TANC1: variants seen among roughly 807,000 people sequenced by gnomAD.
TANC1 encodes tetratricopeptide repeat, ankyrin repeat and coiled-coil containing 1.
TANC1 carries 77 observed loss-of-function variants against 149.7 expected under a neutral mutation model. That is an observed-to-expected ratio of 0.51 (90% CI 0.43 to 0.62). The LOEUF (loss-of-function observed/expected upper bound fraction) is 0.62, where lower values mean the gene tolerates loss of function less well. Ranked by LOEUF, TANC1 falls within the 20% of genes least tolerant of loss-of-function variation. The pLI is 0.00. For synonymous variants in TANC1, 854 were observed against 925.0 expected, an observed-to-expected ratio of 0.92 and a Z score of 1.39; for missense variants, 1,985 against 2,321.8, an observed-to-expected ratio of 0.85 and a Z score of 2.98.
At chr2:158,983,036 G>A (rs1006427109) in intron 1 of TANC1, among the ~76,000 whole-genome samples, 1 of 152,174 alleles carries the variant, frequency 6.6e-6, no homozygotes, top group Non-Finnish European at 1.5e-5. Flanking sequence ...GTCGAGATAA[G>A]TTCTTGATTT....
At chr2:159,105,031 A>G (rs1194326337) in intron 4 of TANC1, among the ~76,000 whole-genome samples, 4 of 76,826 alleles carry the variant, frequency 5.2e-5, no homozygotes, top group Admixed American at 2.0e-4. Context: ...GTCTCGCTCT[A>G]TTGCCCAGGC....
At chr2:159,035,473 A>C (rs922273261) in intron 2 of TANC1, among the ~76,000 whole-genome samples, 1 of 152,214 alleles carries the variant, frequency 6.6e-6, no homozygotes, top group Non-Finnish European at 1.5e-5. Context: ...AAAAGTTCAT[A>C]ATTTTTTTGC....
intron 1 of TANC1, among the ~76,000 whole-genome samples, chr2:158,993,809 C>G (rs988200426): frequency 2.0e-5 from 3 of 152,124 alleles, no homozygotes; most frequent in Non-Finnish European, 4.4e-5. Flanking sequence ...AAGTCATCTC[C>G]TGGTTTGTCT....
intron 2 of TANC1, among the ~76,000 whole-genome samples, chr2:159,036,848 G>T (rs1205886042): frequency 6.6e-6 from 1 of 152,160 alleles, no homozygotes; most frequent in Non-Finnish European, 1.5e-5. Context: ...ATAGTATAAT[G>T]ATTTATAGTC....
chr2:159,062,991 A>AAAAAAAAAAAG (rs1553534848), intron 2 of TANC1, among the ~76,000 whole-genome samples: 1 of 147,094 alleles, frequency 6.8e-6, no homozygotes, highest in Non-Finnish European at 1.5e-5. Context: ...AAAAAAAAAA[A>AAAAAAAAAAAG]AAAAGAAAGC....
At chr2:159,090,679 A>C (rs2045434640) in intron 3 of TANC1, among the ~76,000 whole-genome samples, 1 of 152,198 alleles carries the variant, frequency 6.6e-6, no homozygotes, top group South Asian at 2.1e-4. Context: ...ATTGACGGTG[A>C]ATCCTGCCAG....
intron 2 of TANC1, among the ~76,000 whole-genome samples, chr2:159,030,863 G>A (rs777212442): frequency 6.6e-6 from 1 of 152,178 alleles, no homozygotes; most frequent in East Asian, 1.9e-4. Flanking sequence ...AGAGTTGGGG[G>A]CAGCAGATCC....
At chr2:159,175,391 A>G (rs1267147044) in intron 12 of TANC1, among the ~76,000 whole-genome samples, 1 of 152,182 alleles carries the variant, frequency 6.6e-6, no homozygotes, top group Non-Finnish European at 1.5e-5. Flanking sequence ...TATAGTGTTA[A>G]AAGAAGCACC....
At chr2:159,102,735 T>TTTTTTTTTTC (rs1313030056) in intron 4 of TANC1, among the ~76,000 whole-genome samples, 1 of 51,086 alleles carries the variant, frequency 2.0e-5, no homozygotes, top group Non-Finnish European at 5.3e-5. Flanking sequence ...TTTTTTTTTT[T>TTTTTTTTTTC]TGAGATGGAG....
chr2:159,161,255 G>T (rs1004033551), intron 7 of TANC1, among the ~76,000 whole-genome samples: 16 of 152,138 alleles, frequency 1.1e-4, no homozygotes, highest in African/African-American at 3.9e-4. Flanking sequence ...TTTGACTTTT[G>T]GTTTAATTTT....
At chr2:159,170,496 T>TCTC (rs1217689530) in intron 9 of TANC1, 28 bp from the exon 10 acceptor site, 6 of 1,561,426 alleles carry the variant, frequency 3.8e-6, no homozygotes, top group Non-Finnish European at 5.2e-6. Flanking sequence ...ATGACATTTT[T>TCTC]CTAAAATTTT....
intron 2 of TANC1, among the ~76,000 whole-genome samples, chr2:159,006,191 G>A (rs535177568): frequency 4.0e-5 from 6 of 151,706 alleles, no homozygotes; most frequent in South Asian, 4.2e-4. Context: ...CAGCTACTCC[G>A]GAGGCTGAGG....
chr2:158,994,481 G>A (rs2035958539), intron 1 of TANC1, among the ~76,000 whole-genome samples: 1 of 152,146 alleles, frequency 6.6e-6, no homozygotes, highest in Admixed American at 6.5e-5. Flanking sequence ...ACTTGCCTAG[G>A]CTGGTCTACA....
At chr2:159,129,904 G>A (rs749563727) in intron 4 of TANC1, among the ~76,000 whole-genome samples, 28 of 152,268 alleles carry the variant, frequency 1.8e-4, no homozygotes, top group African/African-American at 6.3e-4. Context: ...GGTAAACAGC[G>A]GTCTTCCCTA....
At chr2:159,225,561 T>C in intron 23 of TANC1, 127 bp from the exon 24 acceptor site, 1 of 714,296 alleles carries the variant, frequency 1.4e-6, no homozygotes, top group Non-Finnish European at 2.5e-6. Flanking sequence ...GCTCCCTCCC[T>C]CATCGTGCTG....
At chr2:159,191,764 T>G (rs1477730502) in intron 16 of TANC1, among the ~76,000 whole-genome samples, 2 of 152,222 alleles carry the variant, frequency 1.3e-5, no homozygotes, top group Non-Finnish European at 2.9e-5. Flanking sequence ...CTTGTGGACA[T>G]CTATCACTGA....
chr2:159,090,281 CTTTTATTTTAATCATCTGCATTACTTAG>C (rs2045387891), intron 3 of TANC1, among the ~76,000 whole-genome samples: 1 of 152,166 alleles, frequency 6.6e-6, no homozygotes, highest in African/African-American at 2.4e-5. Context: ...GGAATGGAAA[CTTTTATTTTAATCATCTGCATTACTTAG>C]TACAGTAGGC....
chr2:159,225,614 G>A lies in TANC1; in HGVS notation c.3812-74G>A, dbSNP rs116070849. The A allele has an allele frequency of 1.2e-3, 1,505 of 1,218,658 alleles. 1 individual carries two copies. Among genetic ancestry groups the A allele is most frequent in the Non-Finnish European group, 1.7e-3 (1,435 of 825,050 alleles). The allele number at this position is 1,218,658 out of a possible 1,614,324, so 75.5% of individuals were successfully genotyped here. A position where few individuals can be genotyped will look rare whatever the true frequency, so the allele number is the denominator to read the frequency against. ...CTCCTGCTGGTGCTGACCTCCAGCC[G>A]TGGGGCCACGGAGGAATTGGGATCC... On this transcript the variant is annotated intron_variant, in intron 23 of 26. Transcript: ENST00000263635.
chr2:159,195,203 C>A (rs2057758465), intron 17 of TANC1, among the ~76,000 whole-genome samples: 1 of 152,234 alleles, frequency 6.6e-6, no homozygotes, highest in African/African-American at 2.4e-5. Context: ...TCACTGCAAC[C>A]TCCACCTCCC....
Sources: allele counts gnomAD v4.1 joint callset (sites outside exome capture counted in the v4.1 genomes callset), GRCh38; gene constraint gnomAD v4.1.1; transcripts MANE v1.5; gene names NCBI Gene and HGNC (gene_info 2026-07-23, HGNC 2026-07-21).